Variants in TRIO observed in about 807,000 individuals in gnomAD.
TRIO encodes triple functional domain protein.
Under a neutral mutation model 351.9 loss-of-function variants are expected in TRIO, and 58 were observed. That is an observed-to-expected ratio of 0.16 (90% CI 0.13 to 0.21). The LOEUF (loss-of-function observed/expected upper bound fraction) is 0.21, where lower values mean the gene tolerates loss of function less well. Among genes scored for constraint, TRIO ranks in the 10% least tolerant of loss-of-function variants. The pLI is 1.00. For missense variants in TRIO, 3,201 were observed against 4,027.8 expected (o/e 0.79, Z 5.56); for synonymous variants, 1,758 against 1,595.7 (o/e 1.10, Z -2.42).
chr5:14,429,780 A>G (rs1001355247), intron 34 of TRIO, among the ~76,000 whole-genome samples: 3 of 152,146 alleles, frequency 2.0e-5, no homozygotes, highest in East Asian at 1.9e-4. Context: ...ATTTTTATTC[A>G]CCTCTAGCTT....
chr5:14,483,083 C>T (rs992387208), intron 46 of TRIO, among the ~76,000 whole-genome samples: 1 of 152,100 alleles, frequency 6.6e-6, no homozygotes, highest in African/African-American at 2.4e-5. Flanking sequence ...TTTGATAGCA[C>T]GGATTTGGGG....
intron 34 of TRIO, among the ~76,000 whole-genome samples, chr5:14,430,457 AAGTAACTTCCCTTCCCTC>A (rs1234996196): frequency 6.6e-6 from 1 of 152,170 alleles, no homozygotes; most frequent in Non-Finnish European, 1.5e-5. Context: ...TCCAAAGAGC[AAGTAACTTCCCTTCCCTC>A]AGTATGTATA....
intron 18 of TRIO, among the ~76,000 whole-genome samples, chr5:14,369,986 G>T (rs62345009): frequency 0.07 from 10,673 of 152,290 alleles, 438 homozygotes; most frequent in African/African-American, 0.12. Context: ...TGTGGTGGCA[G>T]TTGCTGATAC....
chr5:14,183,210 A>G (rs1789900305), intron 1 of TRIO, among the ~76,000 whole-genome samples: 1 of 152,072 alleles, frequency 6.6e-6, no homozygotes, highest in African/African-American at 2.4e-5. Flanking sequence ...AACCTTAGTG[A>G]GGCTTTCCCT....
chr5:14,225,295 G>A (rs371861612), intron 1 of TRIO, among the ~76,000 whole-genome samples: 3 of 152,252 alleles, frequency 2.0e-5, no homozygotes, highest in Middle Eastern at 3.4e-3. Flanking sequence ...TGTGGAACCC[G>A]AAAATAATCT....
intron 13 of TRIO, among the ~76,000 whole-genome samples, chr5:14,361,227 T>C (rs11955889): frequency 2.0e-5 from 3 of 152,232 alleles, no homozygotes; most frequent in African/African-American, 7.2e-5. Flanking sequence ...AAAAAAATTT[T>C]TAATATTTAA....
chr5:14,211,784 TA>T (rs1345470557), intron 1 of TRIO, among the ~76,000 whole-genome samples: 7 of 151,594 alleles, frequency 4.6e-5, no homozygotes, highest in Admixed American at 3.9e-4. Context: ...ATCAATGAAA[TA>T]AAAAGTATAA....
intron 1 of TRIO, among the ~76,000 whole-genome samples, chr5:14,240,260 T>G (rs1794048246): frequency 6.6e-6 from 1 of 152,224 alleles, no homozygotes; most frequent in Non-Finnish European, 1.5e-5. Context: ...ACATAAACTA[T>G]TTCTAAAAAT....
chr5:14,492,266 C>T (rs1028366807), intron 48 of TRIO: 1 of 412,828 alleles, frequency 2.4e-6, no homozygotes, highest in African/African-American at 2.0e-5. Flanking sequence ...AAGATGTTCC[C>T]GTGAGGGTGC....
intron 34 of TRIO, among the ~76,000 whole-genome samples, chr5:14,433,213 A>T (rs954076647): frequency 6.6e-6 from 1 of 152,244 alleles, no homozygotes; most frequent in African/African-American, 2.4e-5. Context: ...TAAATAAAGC[A>T]ATGAAAAGGA....
intron 1 of TRIO, among the ~76,000 whole-genome samples, chr5:14,250,146 G>T (rs1291943644): frequency 1.3e-5 from 2 of 152,194 alleles, no homozygotes; most frequent in Non-Finnish European, 2.9e-5. Context: ...GCCCTGTGAG[G>T]TGCTTTAGCC....
intron 1 of TRIO, among the ~76,000 whole-genome samples, chr5:14,154,115 C>G (rs1263170601): frequency 6.6e-6 from 1 of 152,154 alleles, no homozygotes; most frequent in Non-Finnish European, 1.5e-5. Flanking sequence ...GGCTCACAGT[C>G]TGGGGAGAAA....
chr5:14,248,375 A>C (rs1040118980), intron 1 of TRIO, among the ~76,000 whole-genome samples: 2 of 152,230 alleles, frequency 1.3e-5, no homozygotes, highest in African/African-American at 4.8e-5. Context: ...TGTTGAATGC[A>C]TTTTAGTAAC....
intron 37 of TRIO, among the ~76,000 whole-genome samples, chr5:14,466,870 A>G (rs1349977419): frequency 6.6e-6 from 1 of 152,230 alleles, no homozygotes; most frequent in Non-Finnish European, 1.5e-5. Context: ...TCTTTCCTTT[A>G]TTTAATAACT....
At chr5:14,188,105 AT>A (rs1394589472) in intron 1 of TRIO, among the ~76,000 whole-genome samples, 1 of 152,328 alleles carries the variant, frequency 6.6e-6, no homozygotes, top group African/African-American at 2.4e-5. Context: ...CTGGTGTTTT[AT>A]TTGTCACATC....
At chr5:14,304,364 C>G in intron 7 of TRIO, 97 bp from the exon 8 acceptor site, 1 of 1,273,724 alleles carries the variant, frequency 7.9e-7, no homozygotes, top group Non-Finnish European at 1.1e-6. Flanking sequence ...CTTAGGATCT[C>G]CCTCAAGTCC....
Position 14,419,796 on chromosome 5 carries a change from C to T in TRIO, c.4978C>T (p.Leu1660=). The T allele has an allele frequency of 6.2e-7, 1 of 1,614,210 alleles. No homozygotes were observed. The highest frequency in any genetic ancestry group is 8.5e-7 in the Non-Finnish European group (1 of 1,180,026). ...DSDKLSGGCE[L]TVVIHDFTAC... ...CCCCCAGCTCTCTGGTGGCTGTGAG[C>T]TGACAGTGGTGATCCATGACTTCAC... Residue 1660 remains leucine (L), a synonymous_variant, in exon 34 of 57, where the codon CTG becomes TTG. Coordinates refer to ENST00000344204, the MANE Select transcript of TRIO (RefSeq NM_007118.4).
At chr5:14,424,046 A>T (rs902213328) in intron 34 of TRIO, among the ~76,000 whole-genome samples, 10 of 151,998 alleles carry the variant, frequency 6.6e-5, no homozygotes, top group African/African-American at 2.4e-4. Context: ...TCATCTCTAA[A>T]AAATAAATAA....
chr5:14,495,828 C>T (rs1041053535), intron 49 of TRIO, among the ~76,000 whole-genome samples: 1 of 152,022 alleles, frequency 6.6e-6, no homozygotes, highest in African/African-American at 2.4e-5. Context: ...AATAGCTGAG[C>T]GTAGTGGCAG....
Sources: gnomAD v4.1 joint callset for allele counts (sites outside exome capture counted in the v4.1 genomes callset) on GRCh38, gnomAD v4.1.1 for gene constraint, MANE v1.5 for transcripts, NCBI Gene and HGNC (gene_info 2026-07-23, HGNC 2026-07-21) for gene names.